NKAIN3: variants seen among roughly 807,000 people sequenced by gnomAD.
NKAIN3 encodes the protein sodium/potassium-transporting ATPase subunit beta-1-interacting protein 3.
NKAIN3 carries 25 observed loss-of-function variants against 30.2 expected under a neutral mutation model. The observed-to-expected ratio is 0.83, with a 90% CI of 0.60 to 1.16. The LOEUF (loss-of-function observed/expected upper bound fraction) is 1.16. Ranked by LOEUF, NKAIN3 falls within the 50% of genes most tolerant of loss-of-function variation. The pLI is 0.00. For missense variants in NKAIN3, 225 were observed against 254.1 expected, an observed-to-expected ratio of 0.89 and a Z score of 0.78; for synonymous variants, 91 against 89.6, an observed-to-expected ratio of 1.02 and a Z score of -0.09.
intron 3 of NKAIN3, among the ~76,000 whole-genome samples, chr8:62,743,293 A>T (rs894144365): frequency 2.0e-5 from 3 of 150,222 alleles, no homozygotes; most frequent in Non-Finnish European, 2.9e-5. Flanking sequence ...TGGTAAGTTT[A>T]AAAAAAAATG....
At chr8:62,987,543 G>A (rs1824227981), downstream of NKAIN3, among the ~76,000 whole-genome samples, 3 of 152,100 alleles carry the variant, frequency 2.0e-5, no homozygotes, top group Non-Finnish European at 2.9e-5. Flanking sequence ...TAGCAGCAGG[G>A]AAGAGATCAT....
In NKAIN3 at chr8:62,601,759, T is replaced by C. The variant is rs541549282; in HGVS notation, c.273+11965T>C. 5.3e-5 allele frequency among the ~76,000 whole-genome samples: 8 copies of C among 152,220 alleles called. No homozygotes were observed. The East Asian group carries it at 9.7e-4, about 18-fold the overall frequency. On this transcript the variant is annotated intron_variant, in intron 3 of 6. Coordinates refer to ENST00000623646, the MANE Select transcript of NKAIN3 (RefSeq NM_001304533.3). The stretch of plus-strand genomic sequence containing the variant: ...AATGTTTATTGTTATGTTTGGTTCC[T>C]GCACAATCTTTATCCAAAGAGACGC...
chr8:62,362,200 A>G (rs1398236371), intron 1 of NKAIN3, among the ~76,000 whole-genome samples: 1 of 152,228 alleles, frequency 6.6e-6, no homozygotes, highest in African/African-American at 2.4e-5. Context: ...ATGCTATAAG[A>G]ATTATTCTCA....
chr8:62,639,588 G>A (rs558759700), intron 3 of NKAIN3, among the ~76,000 whole-genome samples: 1 of 152,254 alleles, frequency 6.6e-6, no homozygotes, highest in Non-Finnish European at 1.5e-5. Flanking sequence ...CAATATTAAA[G>A]CATAATTGCA....
At chr8:62,413,196 G>A (rs1032388496) in intron 1 of NKAIN3, among the ~76,000 whole-genome samples, 5 of 152,172 alleles carry the variant, frequency 3.3e-5, no homozygotes, top group African/African-American at 7.2e-5. Flanking sequence ...CTGCTGGTGG[G>A]AATGTAAATT....
At position 62,975,129 on chromosome 8, in the gene NKAIN3, TG is replaced by T. The variant is rs1363020294; in HGVS notation, c.*9723del. Among the ~76,000 whole-genome samples, 3 of 152,170 alleles carry T rather than the reference TG, an allele frequency of 2.0e-5. No homozygotes were observed. The highest frequency in any genetic ancestry group is 7.2e-5 in the African/African-American group (3 of 41,448). ...ATATTGGCCTGAAATTTTCATTTTTTGTTGTGTCTCTGCCTGGGATTGGTAT... is the reference window on the plus strand; with the variant it reads ...ATATTGGCCTGAAATTTTCATTTTTTTTGTGTCTCTGCCTGGGATTGGTAT... On this transcript the variant is annotated 3_prime_UTR_variant, in exon 7 of 7. Coordinates refer to ENST00000623646, the MANE Select transcript of NKAIN3 (RefSeq NM_001304533.3).
chr8:62,785,381 A>G (rs1199385385), intron 4 of NKAIN3, among the ~76,000 whole-genome samples: 3 of 152,178 alleles, frequency 2.0e-5, no homozygotes, highest in African/African-American at 7.2e-5. Context: ...AAATCTATAG[A>G]GACAGAAAGT....
intron 4 of NKAIN3, among the ~76,000 whole-genome samples, chr8:62,758,916 C>G (rs928675885): frequency 3.3e-5 from 5 of 152,162 alleles, no homozygotes; most frequent in South Asian, 2.1e-4. Context: ...TATTTCATAT[C>G]TCCACATTAT....
intron 3 of NKAIN3, among the ~76,000 whole-genome samples, chr8:62,667,176 A>G (rs1196852560): frequency 6.7e-6 from 1 of 150,310 alleles, no homozygotes; most frequent in African/African-American, 2.4e-5. Context: ...GAGGGATAGC[A>G]TTAGGAGATA....
At chr8:62,542,748 C>T (rs948502978) in intron 1 of NKAIN3, among the ~76,000 whole-genome samples, 1 of 152,150 alleles carries the variant, frequency 6.6e-6, no homozygotes, top group Non-Finnish European at 1.5e-5. Context: ...ACCCATGTAC[C>T]TACAATCAAA....
intron 5 of NKAIN3, among the ~76,000 whole-genome samples, chr8:62,951,198 C>T (rs1823276713): frequency 6.6e-6 from 1 of 152,012 alleles, no homozygotes; most frequent in Non-Finnish European, 1.5e-5. Flanking sequence ...CTCCTACCAG[C>T]ACCTCTTCCC....
chr8:62,367,115 G>T (rs1019203397), intron 1 of NKAIN3, among the ~76,000 whole-genome samples: 1 of 152,084 alleles, frequency 6.6e-6, no homozygotes, highest in African/African-American at 2.4e-5. Flanking sequence ...CTTAACATAT[G>T]ATTTATCCTG....
At chr8:62,544,932 ATAT>A (rs1245064299) in intron 1 of NKAIN3, among the ~76,000 whole-genome samples, 1 of 152,228 alleles carries the variant, frequency 6.6e-6, no homozygotes, top group Non-Finnish European at 1.5e-5. Context: ...AGAAAAGAGA[ATAT>A]TATTAAGAAA....
At chr8:62,685,224 T>G (rs1187895061) in intron 3 of NKAIN3, among the ~76,000 whole-genome samples, 1 of 152,170 alleles carries the variant, frequency 6.6e-6, no homozygotes, top group Non-Finnish European at 1.5e-5. Flanking sequence ...TAGTTTAAAC[T>G]TACCAGAGCT....
intron 4 of NKAIN3, among the ~76,000 whole-genome samples, chr8:62,753,230 ACACG>A (rs1554574217): frequency 6.0e-5 from 9 of 151,218 alleles, no homozygotes; most frequent in South Asian, 4.1e-4. Flanking sequence ...ACACACACAC[ACACG>A]CACGCACGCA....
intron 3 of NKAIN3, among the ~76,000 whole-genome samples, chr8:62,679,342 C>T (rs1036938856): frequency 6.6e-5 from 10 of 152,108 alleles, no homozygotes; most frequent in African/African-American, 2.4e-4. Context: ...TGAAAGGGTG[C>T]ATCTAGCAGA....
At chr8:62,598,085 A>G (rs1286766417) in intron 3 of NKAIN3, among the ~76,000 whole-genome samples, 1 of 152,030 alleles carries the variant, frequency 6.6e-6, no homozygotes, top group Non-Finnish European at 1.5e-5. Context: ...TTATTTTTTC[A>G]GTTTCCTTAC....
intron 6 of NKAIN3, among the ~76,000 whole-genome samples, chr8:62,964,472 T>C (rs1263585233): frequency 6.6e-6 from 1 of 151,032 alleles, no homozygotes; most frequent in African/African-American, 2.4e-5. Context: ...TGATTGGAGA[T>C]GGGGATCTGT....
chr8:62,668,115 C>CACAT (rs918918941), intron 3 of NKAIN3, among the ~76,000 whole-genome samples: 1 of 151,542 alleles, frequency 6.6e-6, no homozygotes, highest in African/African-American at 2.4e-5. Context: ...CACACATACA[C>CACAT]ACACACACAC....
Sources: allele counts gnomAD v4.1 joint callset (sites outside exome capture counted in the v4.1 genomes callset), GRCh38; gene constraint gnomAD v4.1.1; transcripts MANE v1.5; gene names NCBI Gene and HGNC (gene_info 2026-07-23, HGNC 2026-07-21).